RABEPK: variants seen among roughly 807,000 people sequenced by gnomAD.
RABEPK encodes Rab9 effector protein with kelch motifs, also known as 40 kDa Rab9 effector protein.
A neutral mutation model predicts 34.1 loss-of-function variants in RABEPK; 27 were observed. The ratio of observed to expected loss-of-function variants is 0.79; its 90% CI spans 0.58 to 1.09. RABEPK has a LOEUF of 1.09. RABEPK is among the 50% of genes least tolerant of loss of function. The pLI is 0.00. For missense variants in RABEPK, 449 were observed against 462.6 expected (o/e 0.97, Z 0.27); for synonymous variants, 172 against 169.2 (o/e 1.02, Z -0.13).
intron 6 of RABEPK, among the ~76,000 whole-genome samples, chr9:125,230,483 C>T (rs1032456257): frequency 2.6e-5 from 4 of 151,804 alleles, no homozygotes; most frequent in Non-Finnish European, 4.4e-5. Flanking sequence ...CCGGGTGATT[C>T]TCCCTTCTTA....
At chr9:125,218,929 G>A (rs1831133585) in intron 4 of RABEPK, among the ~76,000 whole-genome samples, 1 of 151,680 alleles carries the variant, frequency 6.6e-6, no homozygotes, top group African/African-American at 2.4e-5. Context: ...ACAGGGTTTT[G>A]CCATGTTGCC....
At chr9:125,218,610 GA>G (rs66466142) in intron 4 of RABEPK, among the ~76,000 whole-genome samples, 81,502 of 151,986 alleles carry the variant, frequency 0.54, 22,407 homozygotes, top group Admixed American at 0.62. Flanking sequence ...TCTAGGTGGT[GA>G]AATTTTATTC....
intron 6 of RABEPK, among the ~76,000 whole-genome samples, chr9:125,230,094 G>C (rs1373967086): frequency 1.3e-5 from 2 of 152,114 alleles, no homozygotes; most frequent in Non-Finnish European, 2.9e-5. Context: ...CTCCCGGGTA[G>C]CTGGGACAAC....
intron 3 of RABEPK, among the ~76,000 whole-genome samples, chr9:125,212,311 C>G (rs1830638986): frequency 1.3e-5 from 2 of 152,172 alleles, no homozygotes; most frequent in Admixed American, 1.3e-4. Flanking sequence ...GCTCCACCTC[C>G]CGGGTTAATG....
In RABEPK at chr9:125,220,543, C is replaced by T; in HGVS notation, c.369C>T (p.Thr123=). 3.1e-6 allele frequency: 5 copies of T among 1,612,594 alleles called. No homozygotes were observed. The highest frequency in any genetic ancestry group is 1.7e-5 in the Admixed American group (1 of 59,772). Residue 123 remains threonine, a synonymous_variant, in exon 5 of 8, where the codon ACC becomes ACT. Transcript: ENST00000373538. The part of the protein sequence containing the change: ...RNCLQVLNPE[T]RTWTTPEVTS... ...CCTGCATTCTCTCTGGCCCAGAAAC[C>T]AGGACGTGGACCACGCCAGAAGTGA...
chr9:125,234,050 C>T lies in RABEPK; in HGVS notation c.*70C>T, dbSNP rs1275917082. On this transcript the variant is annotated 3_prime_UTR_variant, in exon 8 of 8. Transcript: ENST00000373538. ...TAAGTAAAACATTAGCTGTTTTATA[C>T]CTCCAAAATATCTTCTGCATTATAT... The T allele has an allele frequency of 3.7e-6, 5 of 1,363,650 alleles. No homozygotes were observed. Among genetic ancestry groups the T allele is most frequent in the Non-Finnish European group, 5.1e-6 (5 of 987,392 alleles). The allele number at this position is 1,363,650 out of a possible 1,614,324, so 84.5% of individuals were successfully genotyped here.
At chr9:125,213,297 A>T in intron 3 of RABEPK, 73 bp from the exon 4 acceptor site, 3 of 1,465,040 alleles carry the variant, frequency 2.0e-6, no homozygotes, top group Non-Finnish European at 2.8e-6. Context: ...TCTTCTCATG[A>T]CCCTCCTCAA....
chr9:125,222,981 C>T (rs930505155), intron 5 of RABEPK, among the ~76,000 whole-genome samples: 1 of 150,568 alleles, frequency 6.6e-6, no homozygotes, highest in African/African-American at 2.4e-5. Flanking sequence ...CCTTCACCAT[C>T]ATTTTTAATA....
chr9:125,228,009 G>A lies in RABEPK; in HGVS notation c.626G>A (p.Gly209Glu). 1 of 1,606,324 alleles carries A rather than the reference G, an allele frequency of 6.2e-7. No individual in the cohort carries two copies. Among genetic ancestry groups the A allele is most frequent in the Non-Finnish European group, 8.5e-7 (1 of 1,175,536 alleles). ...GCAGGGACAAAGCTCTTCATCCACG[G>A]AGGCTTGGCGGGGGACAGATTCTAT... Reference protein sequence around the residue: ...VAAGTKLFIHGGLAGDRFYDD... With the variant: ...VAAGTKLFIHEGLAGDRFYDD... The change falls in exon 6 of 8, where the codon GGA becomes GAA. Residue 209 changes from glycine (G) to glutamate (E), a missense_variant. By Grantham distance (98) the Gly-to-Glu change is moderately conservative. Coordinates refer to ENST00000373538, the MANE Select transcript of RABEPK (RefSeq NM_005833.4).
chr9:125,221,612 A>G (rs916701150), intron 5 of RABEPK: 1 of 152,142 alleles, frequency 6.6e-6, no homozygotes, highest in Non-Finnish European at 1.5e-5. Context: ...AAACAGAAGT[A>G]AAAGATTCCC....
rs753654166 is a variant in RABEPK at position 125,207,578 on chromosome 9, T to A, written c.68T>A (p.Val23Asp). The part of the protein sequence containing the change: ...PRKATWYTLT[V>D]PGDSPCARVG... Reference sequence around the variant, plus strand: ...TCCTTTGGCAGGTACACCTTGACTGTCCCTGGAGACAGCCCCTGTGCTCGA... The same window carrying A: ...TCCTTTGGCAGGTACACCTTGACTGACCCTGGAGACAGCCCCTGTGCTCGA... The change falls in exon 3 of 8, where the codon GTC becomes GAC. Residue 23 changes from valine to aspartate, a missense_variant. Physicochemically the swap from Val to Asp is radical, Grantham distance 152. Transcript: ENST00000373538. 15 of 1,614,102 alleles carry A rather than the reference T, an allele frequency of 9.3e-6. No individual in the cohort carries two copies. The highest frequency in any genetic ancestry group is 3.3e-5 in the Admixed American group (2 of 60,022).
At chr9:125,231,422 T>C (rs554901658) in intron 6 of RABEPK, among the ~76,000 whole-genome samples, 1 of 152,344 alleles carries the variant, frequency 6.6e-6, no homozygotes, top group East Asian at 1.9e-4. Flanking sequence ...CACACCTAAG[T>C]GCAGTCTTGC....
In RABEPK at chr9:125,207,578, T is replaced by TGACA; in HGVS notation, c.68_69insGACA (p.Pro24ThrfsTer22). 6.2e-7 allele frequency: 1 copy of TGACA among 1,614,102 alleles called. No homozygotes were observed. Among genetic ancestry groups the TGACA allele is most frequent in the Non-Finnish European group, 8.5e-7 (1 of 1,179,934 alleles). ...TCCTTTGGCAGGTACACCTTGACTG[T>TGACA]CCCTGGAGACAGCCCCTGTGCTCGA... On this transcript the variant is annotated frameshift_variant, in exon 3 of 8. Coordinates refer to ENST00000373538, the MANE Select transcript of RABEPK (RefSeq NM_005833.4). LOFTEE classifies it high-confidence loss of function.
intron 1 of RABEPK, among the ~76,000 whole-genome samples, chr9:125,202,434 A>G (rs1244998663): frequency 6.6e-6 from 1 of 151,988 alleles, no homozygotes; most frequent in East Asian, 1.9e-4. Context: ...AGAAAGGAGA[A>G]TCATTTAAAC....
intron 5 of RABEPK, among the ~76,000 whole-genome samples, chr9:125,227,194 A>G (rs1436380160): frequency 5.3e-5 from 8 of 152,070 alleles, no homozygotes; most frequent in African/African-American, 1.7e-4. Context: ...AATAATGATA[A>G]TAATAATACA....
Position 125,230,538 on chromosome 9 carries a change from A to ATTT in RABEPK, c.677-2045_677-2043dup, listed in dbSNP as rs35131281. On this transcript the variant is annotated intron_variant, in intron 6 of 7. Coordinates refer to ENST00000373538, the MANE Select transcript of RABEPK (RefSeq NM_005833.4). ...TGCCTTGCATTGACAGATGGAAACT[A>ATTT]TTTTTTTTTTTTTTTGAGATGGAGT... is the stretch of plus-strand genomic sequence containing the variant. 2.8e-3 allele frequency among the ~76,000 whole-genome samples: 383 copies of ATTT among 137,618 alleles called. 7 individuals carry two copies. Among genetic ancestry groups the ATTT allele is most frequent in the Middle Eastern group, 3.7e-3 (1 of 272 alleles). The allele number at this position is 137,618 out of a possible 152,430, so 90.3% of individuals were successfully genotyped here.
chr9:125,225,759 G>A (rs1831688022), intron 5 of RABEPK, among the ~76,000 whole-genome samples: 1 of 152,054 alleles, frequency 6.6e-6, no homozygotes, highest in Admixed American at 6.6e-5. Flanking sequence ...AGGAGATCGA[G>A]ACCATCCTGG....
At chr9:125,203,164 G>C in intron 2 of RABEPK, 98 bp downstream of exon 2, 1 of 1,028,624 alleles carries the variant, frequency 9.7e-7, no homozygotes, top group Non-Finnish European at 1.5e-6. Flanking sequence ...AAGGGGTAGA[G>C]ATGAAACTGT....
intron 7 of RABEPK, among the ~76,000 whole-genome samples, chr9:125,233,334 T>TC (rs1832347771): frequency 7.3e-6 from 1 of 136,854 alleles, no homozygotes; most frequent in African/African-American, 2.8e-5. Flanking sequence ...AAATTGTTTT[T>TC]TTTTTTTTTT....
Sources: gnomAD v4.1 joint callset for allele counts (sites outside exome capture counted in the v4.1 genomes callset) on GRCh38, gnomAD v4.1.1 for gene constraint, MANE v1.5 for transcripts, NCBI Gene and HGNC (gene_info 2026-07-23, HGNC 2026-07-21) for gene names.